Variants in COL5A2 observed in about 807,000 individuals in gnomAD.
The protein encoded by COL5A2 is collagen alpha-2(V) chain.
Under a neutral mutation model 208.2 loss-of-function variants are expected in COL5A2, and 23 were observed. The observed-to-expected ratio is 0.11, with a 90% CI of 0.08 to 0.16. The LOEUF (loss-of-function observed/expected upper bound fraction) is 0.16. Among genes scored for constraint, COL5A2 ranks in the 10% least tolerant of loss-of-function variants. The pLI, the probability that COL5A2 is intolerant of heterozygous loss-of-function variation, is 1.00. For missense variants in COL5A2, 1,590 were observed against 1,956.4 expected, an observed-to-expected ratio of 0.81 and a Z score of 3.53; for synonymous variants, 625 against 628.5, an observed-to-expected ratio of 0.99 and a Z score of 0.08.
chr2:189,117,692 C>T (rs7561002), intron 1 of COL5A2, among the ~76,000 whole-genome samples: 89,605 of 151,752 alleles, frequency 0.59, 27,938 homozygotes, highest in East Asian at 0.78. Flanking sequence ...TGACTACACA[C>T]ACATACAACC....
At chr2:189,245,139 G>T in the COL5A2 span, among the ~76,000 whole-genome samples, 1 of 152,180 alleles carries the variant, frequency 6.6e-6, no homozygotes, top group Non-Finnish European at 1.5e-5. Flanking sequence ...TCTGGATGGG[G>T]ACACAGCCAA....
chr2:189,275,637 G>C, the COL5A2 span, among the ~76,000 whole-genome samples: 1 of 151,900 alleles, frequency 6.6e-6, no homozygotes, highest in African/African-American at 2.4e-5. Flanking sequence ...ATTTTTAGTA[G>C]AGACGGGCTT....
upstream of COL5A2, among the ~76,000 whole-genome samples, chr2:189,229,628 G>A (rs1689457208): frequency 6.6e-6 from 1 of 151,570 alleles, no homozygotes; most frequent in African/African-American, 2.4e-5. Context: ...TTAACTGAGG[G>A]ACCAAAAGAC....
the COL5A2 span, among the ~76,000 whole-genome samples, chr2:189,284,400 G>A: frequency 1.7e-4 from 26 of 152,224 alleles, no homozygotes; most frequent in African/African-American, 6.3e-4. Flanking sequence ...GCATGGCTGG[G>A]AGGCCTCAGG....
chr2:189,252,340 T>C, the COL5A2 span, among the ~76,000 whole-genome samples: 2 of 152,138 alleles, frequency 1.3e-5, no homozygotes, highest in African/African-American at 4.8e-5. Context: ...CTATTCACAA[T>C]AGCAAAGACT....
chr2:189,209,686 A>G (rs1268173021), intron 1 of COL5A2, among the ~76,000 whole-genome samples: 1 of 152,250 alleles, frequency 6.6e-6, no homozygotes, highest in Non-Finnish European at 1.5e-5. Flanking sequence ...ATTCAACAGA[A>G]AGGATCATGG....
At chr2:189,366,715 T>G in the COL5A2 span, among the ~76,000 whole-genome samples, 1 of 152,196 alleles carries the variant, frequency 6.6e-6, no homozygotes, top group Non-Finnish European at 1.5e-5. Flanking sequence ...GAACTACCTC[T>G]CTTTATGGCA....
the COL5A2 span, among the ~76,000 whole-genome samples, chr2:189,379,360 T>G: frequency 1.3e-5 from 2 of 152,232 alleles, no homozygotes; most frequent in Non-Finnish European, 1.5e-5. Flanking sequence ...CCTTTTCTCA[T>G]GCTAAAAGTA....
At chr2:189,176,796 C>T (rs1266842081) in intron 1 of COL5A2, among the ~76,000 whole-genome samples, 3 of 151,806 alleles carry the variant, frequency 2.0e-5, no homozygotes, top group Non-Finnish European at 4.4e-5. Flanking sequence ...CCCACACAAA[C>T]TCTTTAAAAG....
the COL5A2 span, among the ~76,000 whole-genome samples, chr2:189,254,014 T>C: frequency 6.6e-6 from 1 of 152,246 alleles, no homozygotes; most frequent in Admixed American, 6.5e-5. Flanking sequence ...AACTAGATTT[T>C]AAGCACCTAT....
At chr2:189,218,230 C>A (rs1689303124) in intron 1 of COL5A2, among the ~76,000 whole-genome samples, 1 of 152,102 alleles carries the variant, frequency 6.6e-6, no homozygotes, top group Non-Finnish European at 1.5e-5. Context: ...CCCTGGAAAC[C>A]TCAGAATGTG....
the COL5A2 span, among the ~76,000 whole-genome samples, chr2:189,322,746 G>A: frequency 6.6e-6 from 1 of 152,136 alleles, no homozygotes; most frequent in Non-Finnish European, 1.5e-5. Context: ...TCTACCAGAG[G>A]TACAAGTAGG....
the COL5A2 span, among the ~76,000 whole-genome samples, chr2:189,290,051 G>A: frequency 1.3e-5 from 2 of 152,124 alleles, no homozygotes; most frequent in African/African-American, 2.4e-5. Flanking sequence ...AATGAAATTG[G>A]AGGCATCACA....
intron 51 of COL5A2, among the ~76,000 whole-genome samples, chr2:189,037,233 T>C (rs1685462367): frequency 6.6e-6 from 1 of 152,136 alleles, no homozygotes; most frequent in African/African-American, 2.4e-5. Flanking sequence ...AATAAATAAG[T>C]TGAATTACAA....
At chr2:189,347,861 G>A in the COL5A2 span, among the ~76,000 whole-genome samples, 1 of 152,174 alleles carries the variant, frequency 6.6e-6, no homozygotes, top group Non-Finnish European at 1.5e-5. Flanking sequence ...GAGGGAGTAA[G>A]TGACGAGACA....
chr2:189,212,884 T>C lies in COL5A2; in HGVS notation c.-42+12264A>G, dbSNP rs200531134. On this transcript the variant is annotated intron_variant, in intron 1 of 10. Coordinates refer to the COL5A2 transcript ENST00000649966. Reference sequence around the variant, plus strand: ...TGTTAAATATATATATATATATATATACACACATATATATATTTTTGGAGA... The same window carrying C: ...TGTTAAATATATATATATATATATACACACACATATATATATTTTTGGAGA... Among the ~76,000 whole-genome samples the C allele has an allele frequency of 1.8e-3, 215 of 117,704 alleles. 2 individuals carry two copies. Among genetic ancestry groups the C allele is most frequent in the East Asian group, 0.014 (50 of 3,690 alleles). 77.2% of individuals were successfully genotyped at this position (117,704 alleles called of 152,430 possible). A position where few individuals can be genotyped will look rare whatever the true frequency, so the allele number is the denominator to read the frequency against.
chr2:189,333,179 G>C, the COL5A2 span, among the ~76,000 whole-genome samples: 1 of 152,002 alleles, frequency 6.6e-6, no homozygotes, highest in South Asian at 2.1e-4. Context: ...TAGAACCAAA[G>C]AAAGTAGGAA....
the COL5A2 span, among the ~76,000 whole-genome samples, chr2:189,420,885 C>T: frequency 2.6e-5 from 4 of 152,046 alleles, no homozygotes; most frequent in African/African-American, 7.2e-5. Context: ...TTTCTTACAA[C>T]CAAATGATAC....
chr2:189,252,201 TG>T, the COL5A2 span, among the ~76,000 whole-genome samples: 1 of 152,208 alleles, frequency 6.6e-6, no homozygotes, highest in African/African-American at 2.4e-5. Flanking sequence ...GAAGACAGTG[TG>T]GTGATTCCTC....
Sources: gnomAD v4.1 joint callset for allele counts (sites outside exome capture counted in the v4.1 genomes callset) on GRCh38, gnomAD v4.1.1 for gene constraint, MANE v1.5 for transcripts, NCBI Gene and HGNC (gene_info 2026-07-23, HGNC 2026-07-21) for gene names.